DRC12: variants seen among roughly 807,000 people sequenced by gnomAD.
The protein encoded by DRC12 is dynein regulatory complex subunit 12 homolog.
At chr11:119,195,266 C>T in the DRC12 span, 5 of 703,198 alleles carry the variant, frequency 7.1e-6, no homozygotes, top group African/African-American at 1.8e-5. Context: ...TCCCCACTTC[C>T]TCAGCTCCCT....
the DRC12 span, among the ~76,000 whole-genome samples, chr11:119,191,977 CTTT>C: frequency 1.4e-4 from 19 of 137,288 alleles, no homozygotes; most frequent in Admixed American, 1.4e-4. Flanking sequence ...AACCGAAGGC[CTTT>C]TTTTTTTTTT....
At chr11:119,190,774 T>G in the DRC12 span, 4 of 1,614,156 alleles carry the variant, frequency 2.5e-6, no homozygotes, top group African/African-American at 5.3e-5. This position sits in a 1 kb window ranked among gnomAD's most constrained non-coding sequence, Gnocchi z 4.2. Flanking sequence ...AGCCAGGGCC[T>G]GGTCCCGCTC....
chr11:119,191,917 G>A, the DRC12 span, among the ~76,000 whole-genome samples: 80 of 151,776 alleles, frequency 5.3e-4, no homozygotes, highest in East Asian at 0.012. Flanking sequence ...ATTAGGAAAG[G>A]AACCCAGAGT....
chr11:119,190,447 A>T, the DRC12 span: 2 of 1,614,024 alleles, frequency 1.2e-6, no homozygotes, highest in Non-Finnish European at 1.7e-6. This position sits in a 1 kb window ranked among gnomAD's most constrained non-coding sequence, Gnocchi z 4.2. Flanking sequence ...GCCTGTCCAG[A>T]CTGTCCTGCA....
the DRC12 span, chr11:119,193,444 C>T: frequency 1.1e-6 from 1 of 937,214 alleles, no homozygotes. Flanking sequence ...CCTACCTCCC[C>T]CAGTCCAGCT....
At chr11:119,190,778 C>G in the DRC12 span, 1 of 1,614,124 alleles carries the variant, frequency 6.2e-7, no homozygotes, top group Non-Finnish European at 8.5e-7. This position sits in a 1 kb window ranked among gnomAD's most constrained non-coding sequence, Gnocchi z 4.2. Flanking sequence ...AGGGCCTGGT[C>G]CCGCTCTCCG....
At chr11:119,190,991 G>A in the DRC12 span, 2 of 923,944 alleles carry the variant, frequency 2.2e-6, no homozygotes, top group Admixed American at 2.8e-5. The surrounding 1 kb of genome is among the most constrained non-coding windows in gnomAD (Gnocchi z 4.2). Flanking sequence ...AAAAGCTGAA[G>A]CTCCACTGAG....
the DRC12 span, chr11:119,193,407 A>G: frequency 4.8e-6 from 4 of 837,836 alleles, no homozygotes; most frequent in Non-Finnish European, 7.3e-6. Context: ...AGACCATGAA[A>G]ACCTGAGGAA....
At chr11:119,194,030 G>T in the DRC12 span, 1 of 794,518 alleles carries the variant, frequency 1.3e-6, no homozygotes. Context: ...TGTTGTTTTT[G>T]TTTTTTATCC....
At chr11:119,190,731 C>T in the DRC12 span, 57 of 1,613,810 alleles carry the variant, frequency 3.5e-5, no homozygotes, top group Admixed American at 6.7e-5. The surrounding 1 kb of genome is among the most constrained non-coding windows in gnomAD (Gnocchi z 4.2). Context: ...CCTCATACTT[C>T]GCCTCCATGT....
the DRC12 span, chr11:119,193,445 C>A: frequency 1.3e-5 from 12 of 938,080 alleles, no homozygotes; most frequent in East Asian, 1.6e-4. Context: ...CTACCTCCCC[C>A]AGTCCAGCTT....
At chr11:119,190,635 C>T in the DRC12 span, 1 of 1,574,668 alleles carries the variant, frequency 6.4e-7, no homozygotes, top group South Asian at 1.2e-5. This position sits in a 1 kb window ranked among gnomAD's most constrained non-coding sequence, Gnocchi z 4.2. Context: ...TGTCAGTCAT[C>T]ATACGAGCTG....
chr11:119,190,609 C>T, the DRC12 span: 3 of 1,557,482 alleles, frequency 1.9e-6, no homozygotes, highest in Admixed American at 1.8e-5. This position sits in a 1 kb window ranked among gnomAD's most constrained non-coding sequence, Gnocchi z 4.2. Flanking sequence ...GACGCTCCTT[C>T]TCCTTAACCC....
chr11:119,191,997 T>G, the DRC12 span, among the ~76,000 whole-genome samples: 1 of 150,622 alleles, frequency 6.6e-6, no homozygotes, highest in Non-Finnish European at 1.5e-5. Flanking sequence ...TTTTTTTTAG[T>G]TGGAATCTTA....
chr11:119,190,855 G>T, the DRC12 span: 1 of 1,607,994 alleles, frequency 6.2e-7, no homozygotes. The surrounding 1 kb of genome is among the most constrained non-coding windows in gnomAD (Gnocchi z 4.2). Context: ...GGGCAGGCAG[G>T]ATGAAAGAGA....
chr11:119,193,853 C>A, the DRC12 span: 1 of 1,551,578 alleles, frequency 6.4e-7, no homozygotes, highest in Non-Finnish European at 8.7e-7. Flanking sequence ...TCTTCGGAAG[C>A]CTTGGCTCGA....
At chr11:119,190,958 A>C in the DRC12 span, 1 of 1,251,060 alleles carries the variant, frequency 8.0e-7, no homozygotes, top group South Asian at 1.5e-5. This position sits in a 1 kb window ranked among gnomAD's most constrained non-coding sequence, Gnocchi z 4.2. Flanking sequence ...CCCCAGCATC[A>C]CCAAATTTCC....
At chr11:119,191,947 C>G in the DRC12 span, among the ~76,000 whole-genome samples, 4 of 150,942 alleles carry the variant, frequency 2.7e-5, no homozygotes, top group Admixed American at 6.6e-5. Context: ...AGATAAGCAG[C>G]TCCTGGCCAT....
the DRC12 span, chr11:119,190,605 C>A: frequency 6.4e-7 from 1 of 1,551,236 alleles, no homozygotes; most frequent in South Asian, 1.2e-5. The surrounding 1 kb of genome is among the most constrained non-coding windows in gnomAD (Gnocchi z 4.2). Flanking sequence ...TGGAGACGCT[C>A]CTTCTCCTTA....
Sources: allele counts gnomAD v4.1 joint callset (sites outside exome capture counted in the v4.1 genomes callset), GRCh38; gene constraint gnomAD v4.1.1; non-coding constraint Gnocchi (gnomAD v3.1); transcripts MANE v1.5; gene names NCBI Gene and HGNC (gene_info 2026-07-23, HGNC 2026-07-21).